The following ANO3 variants were observed in gnomAD, a reference collection of about 807,000 sequenced individuals.
The protein encoded by ANO3 is anoctamin-3.
A neutral mutation model predicts 144.8 loss-of-function variants in ANO3; 99 were observed. The observed-to-expected ratio is 0.68, with a 90% confidence interval of 0.58 to 0.81. The LOEUF is 0.81. ANO3 is among the 30% of genes least tolerant of loss of function. The pLI, the probability that ANO3 is intolerant of heterozygous loss-of-function variation, is 0.00. For missense variants in ANO3, 905 were observed against 1,202.2 expected (o/e 0.75, Z 3.66); for synonymous variants, 414 against 392.6 (o/e 1.05, Z -0.64).
At chr11:26,466,351 CA>C (rs369537347) in intron 4 of ANO3, among the ~76,000 whole-genome samples, 4 of 151,952 alleles carry the variant, frequency 2.6e-5, no homozygotes, top group African/African-American at 9.7e-5. Context: ...AAATTGGCCA[CA>C]ATCTTTTCTT....
chr11:26,209,742 AG>A (rs1381710388), intron 1 of ANO3, among the ~76,000 whole-genome samples: 13 of 152,218 alleles, frequency 8.5e-5, no homozygotes, highest in African/African-American at 3.1e-4. Context: ...TAATGGCCAG[AG>A]ATGATGAGCT....
At chr11:26,253,148 A>C (rs1254546753) in intron 1 of ANO3, among the ~76,000 whole-genome samples, 1 of 152,188 alleles carries the variant, frequency 6.6e-6, no homozygotes, top group African/African-American at 2.4e-5. Context: ...GCTATGGTAC[A>C]CAGCACTTCT....
chr11:26,517,011 C>A, intron 6 of ANO3, 84 bp downstream of exon 6: 2 of 671,742 alleles, frequency 3.0e-6, no homozygotes, highest in East Asian at 3.2e-5. Context: ...ACAAATGCAA[C>A]CCCTTCTACA....
chr11:26,359,847 T>A (rs1274436694), intron 1 of ANO3, among the ~76,000 whole-genome samples: 2 of 151,494 alleles, frequency 1.3e-5, no homozygotes, highest in African/African-American at 2.4e-5. Context: ...CAGTTTTACA[T>A]CTTGGTCAGA....
rs1319175129 is a variant in ANO3 at position 26,615,597 on chromosome 11, CTAAA to C, written c.1837-8863_1837-8860del. ...AATAACACATAGGGATATTGAAAGA[CTAAA>C]TGAGTAACCTCTCTAGTGCATAGAA... On this transcript the variant is annotated intron_variant, in intron 17 of 26. Coordinates refer to ENST00000256737, the MANE Select transcript of ANO3 (RefSeq NM_031418.4). Among the ~76,000 whole-genome samples, 184 of 152,038 alleles carry C rather than the reference CTAAA, an allele frequency of 1.2e-3. 1 individual carries two copies. Among genetic ancestry groups the C allele is most frequent in the African/African-American group, 4.2e-3 (176 of 41,482 alleles).
At chr11:26,522,036 T>G (rs573751124) in intron 6 of ANO3, among the ~76,000 whole-genome samples, 1 of 152,112 alleles carries the variant, frequency 6.6e-6, no homozygotes, top group Non-Finnish European at 1.5e-5. Context: ...TACAAAAAAT[T>G]AGCCGGGGGT....
At chr11:26,482,826 C>A (rs1394189977) in intron 4 of ANO3, among the ~76,000 whole-genome samples, 1 of 152,088 alleles carries the variant, frequency 6.6e-6, no homozygotes, top group Non-Finnish European at 1.5e-5. Flanking sequence ...ATTTAGCTTG[C>A]ACTTATGTGA....
chr11:26,497,130 A>G (rs1356093080), intron 4 of ANO3, among the ~76,000 whole-genome samples: 2 of 151,722 alleles, frequency 1.3e-5, no homozygotes, highest in Non-Finnish European at 1.5e-5. Flanking sequence ...ACACGTATAT[A>G]TGTATATACA....
At chr11:26,588,611 G>T (rs184144623) in intron 14 of ANO3, among the ~76,000 whole-genome samples, 1 of 152,186 alleles carries the variant, frequency 6.6e-6, no homozygotes, top group African/African-American at 2.4e-5. Context: ...AGTATATGCT[G>T]GAAATATAAA....
At chr11:26,275,429 TTC>T (rs1853536081) in intron 1 of ANO3, among the ~76,000 whole-genome samples, 1 of 152,134 alleles carries the variant, frequency 6.6e-6, no homozygotes. Flanking sequence ...TTTATTCACT[TTC>T]TGTTTGGTAG....
At chr11:26,534,984 G>A (rs1260560433) in intron 9 of ANO3, among the ~76,000 whole-genome samples, 1 of 74,258 alleles carries the variant, frequency 1.3e-5, no homozygotes, top group Non-Finnish European at 3.2e-5. Context: ...TAAAAGTTAT[G>A]TTTCATTTAT....
intron 1 of ANO3, among the ~76,000 whole-genome samples, chr11:26,401,248 C>T (rs931241651): frequency 6.6e-6 from 1 of 151,940 alleles, no homozygotes; most frequent in Non-Finnish European, 1.5e-5. Context: ...TTGGGCATCC[C>T]CTGATTCTGT....
intron 1 of ANO3, among the ~76,000 whole-genome samples, chr11:26,262,129 A>G (rs12224075): frequency 0.02 from 3,017 of 152,320 alleles, 61 homozygotes; most frequent in East Asian, 0.12. Flanking sequence ...TTAGCCCACA[A>G]GACCTTATGA....
chr11:26,563,336 T>A, intron 14 of ANO3: 1 of 1,418,254 alleles, frequency 7.1e-7, no homozygotes, highest in Non-Finnish European at 9.5e-7. Flanking sequence ...GCATGTGAAC[T>A]TTCCATATAA....
At chr11:26,539,540 G>A (rs79639778) in intron 10 of ANO3, among the ~76,000 whole-genome samples, 118 of 152,196 alleles carry the variant, frequency 7.8e-4, no homozygotes, top group African/African-American at 2.7e-3. Context: ...TTTTGGGCCT[G>A]CACTTAAATG....
intron 4 of ANO3, among the ~76,000 whole-genome samples, chr11:26,471,082 A>G (rs1218302153): frequency 6.6e-6 from 1 of 151,990 alleles, no homozygotes; most frequent in Non-Finnish European, 1.5e-5. Context: ...AAGTTTCACA[A>G]TAATTCAATG....
At chr11:26,599,887 T>A (rs1851742634) in intron 17 of ANO3, among the ~76,000 whole-genome samples, 173 bp downstream of exon 17, 1 of 152,178 alleles carries the variant, frequency 6.6e-6, no homozygotes, top group African/African-American at 2.4e-5. Flanking sequence ...GTAGTTTAGA[T>A]GATAGATTTT....
At chr11:26,217,969 C>T (rs1392919377) in intron 1 of ANO3, among the ~76,000 whole-genome samples, 4 of 152,038 alleles carry the variant, frequency 2.6e-5, no homozygotes, top group Non-Finnish European at 5.9e-5. Flanking sequence ...TAATGATTGG[C>T]ATTGAACTGT....
intron 1 of ANO3, among the ~76,000 whole-genome samples, chr11:26,407,300 T>C (rs950202229): frequency 5.3e-5 from 8 of 151,560 alleles, no homozygotes; most frequent in African/African-American, 1.9e-4. Context: ...GAAAATCATA[T>C]GCATTCTTAA....
Sources: gnomAD v4.1 joint callset for allele counts (sites outside exome capture counted in the v4.1 genomes callset) on GRCh38, gnomAD v4.1.1 for gene constraint, MANE v1.5 for transcripts, NCBI Gene and HGNC (gene_info 2026-07-23, HGNC 2026-07-21) for gene names.